KCNQ1: variants seen among roughly 807,000 people sequenced by gnomAD.
KCNQ1 encodes the protein potassium voltage-gated channel subfamily KQT member 1.
KCNQ1 carries 49 observed loss-of-function variants against 72.4 expected under a neutral mutation model. That is an observed-to-expected ratio of 0.68 (90% CI 0.54 to 0.86). The LOEUF (loss-of-function observed/expected upper bound fraction) is 0.86. Ranked by LOEUF, KCNQ1 falls within the 40% of genes least tolerant of loss-of-function variation. KCNQ1 has a pLI of 0.00. For missense variants in KCNQ1, 790 were observed against 945.1 expected (o/e 0.84, Z 2.15); for synonymous variants, 450 against 412.6 (o/e 1.09, Z -1.10).
chr11:2,584,025 T>C (rs1402704062), intron 7 of KCNQ1, among the ~76,000 whole-genome samples: 1 of 152,076 alleles, frequency 6.6e-6, no homozygotes, highest in Non-Finnish European at 1.5e-5. Flanking sequence ...GCATAATATG[T>C]GTTTGTGTTG....
At chr11:2,453,297 CG>C (rs1345254439) in intron 1 of KCNQ1, among the ~76,000 whole-genome samples, 1 of 152,026 alleles carries the variant, frequency 6.6e-6, no homozygotes. Context: ...CACTTGAACC[CG>C]GGAGGTGGAG....
At chr11:2,448,689 C>T (rs944174894) in intron 1 of KCNQ1, among the ~76,000 whole-genome samples, 6 of 152,220 alleles carry the variant, frequency 3.9e-5, no homozygotes, top group Non-Finnish European at 8.8e-5. Flanking sequence ...AAGATCTGTC[C>T]ACCCACTCCT....
At position 2,784,657 on chromosome 11, in the gene KCNQ1, A is replaced by G. The variant is rs969258892; in HGVS notation, c.1794+6620A>G. 1.3e-5 allele frequency among the ~76,000 whole-genome samples: 2 copies of G among 151,952 alleles called. No individual in the cohort carries two copies. Among genetic ancestry groups the G allele is most frequent in the African/African-American group, 4.8e-5 (2 of 41,452 alleles). ...TTAACAAAATTGAGTATTGTAATCA[A>G]TGAACATGGTATATCCCTCCATTTA... is the stretch of plus-strand genomic sequence containing the variant. On this transcript the variant is annotated intron_variant, in intron 15 of 15. Transcript: ENST00000155840. The surrounding 1 kb of genome is among the most constrained non-coding windows in gnomAD (Gnocchi z 4.7).
In KCNQ1 at chr11:2,725,882, G is replaced by A. The variant is rs1164914417; in HGVS notation, c.1515-42962G>A. Among the ~76,000 whole-genome samples the A allele has an allele frequency of 2.6e-5, 4 of 152,034 alleles. No individual in the cohort carries two copies. Among genetic ancestry groups the A allele is most frequent in the African/African-American group, 9.7e-5 (4 of 41,392 alleles). The stretch of plus-strand genomic sequence containing the variant: ...CAGGCCAAGCGTTTTCTGACTTGGA[G>A]AGGCAGGAGGCCAACTCCCCGCTCC... On this transcript the variant is annotated intron_variant, in intron 11 of 15. Coordinates refer to ENST00000155840, the MANE Select transcript of KCNQ1 (RefSeq NM_000218.3). The surrounding 1 kb of genome is among the most constrained non-coding windows in gnomAD (Gnocchi z 7.2).
At chr11:2,461,431 G>T in intron 1 of KCNQ1, 1 of 1,281,838 alleles carries the variant, frequency 7.8e-7, no homozygotes, top group South Asian at 1.2e-5. Flanking sequence ...GGGCGGGGGT[G>T]GCCCCTCTTC....
At chr11:2,749,989 C>A (rs1846201914) in intron 11 of KCNQ1, among the ~76,000 whole-genome samples, 1 of 151,172 alleles carries the variant, frequency 6.6e-6, no homozygotes, top group Non-Finnish European at 1.5e-5. Flanking sequence ...AGTACAGGGG[C>A]TCTACACGGC....
chr11:2,493,683 C>T lies in KCNQ1; in HGVS notation c.387-34245C>T, dbSNP rs1298114169. On this transcript the variant is annotated intron_variant, in intron 1 of 15. Coordinates refer to ENST00000155840, the MANE Select transcript of KCNQ1 (RefSeq NM_000218.3). This position sits in a 1 kb window ranked among gnomAD's most constrained non-coding sequence, Gnocchi z 5.3. ...AGGTGAGTGGTGTTATTTCTGAGGT[C>T]TCTGTTCTGTTCCATTGGTTTATAT... Among the ~76,000 whole-genome samples, 1 of 152,058 alleles carries T rather than the reference C, an allele frequency of 6.6e-6. No individual in the cohort carries two copies. Among genetic ancestry groups the T allele is most frequent in the Admixed American group, 6.5e-5 (1 of 15,274 alleles).
intron 11 of KCNQ1, chr11:2,696,928 C>CTCTGAAA (rs1158795465): frequency 5.0e-6 from 2 of 398,128 alleles, no homozygotes; most frequent in African/African-American, 2.1e-5. Flanking sequence ...TCCAAAACCT[C>CTCTGAAA]TCTGAAATCT....
chr11:2,627,828 G>A lies in KCNQ1; in HGVS notation c.1394-34133G>A, dbSNP rs181209905. 235 of 398,472 alleles carry A rather than the reference G, an allele frequency of 5.9e-4. 2 individuals carry two copies. The highest frequency in any genetic ancestry group is 4.4e-3 in the African/African-American group (212 of 48,720). The allele number at this position is 398,472 out of a possible 1,614,324, so 24.7% of individuals were successfully genotyped here. On this transcript the variant is annotated intron_variant, in intron 10 of 15. Transcript: ENST00000155840. This position sits in a 1 kb window ranked among gnomAD's most constrained non-coding sequence, Gnocchi z 4.9. ...TACAGTGGCACAATCACAGTTCACT[G>A]TAGCCTCAACCTCATGGGCTCAAGT...
At chr11:2,590,512 C>T (rs1207031370) in intron 10 of KCNQ1, among the ~76,000 whole-genome samples, 1 of 152,226 alleles carries the variant, frequency 6.6e-6, no homozygotes, top group Non-Finnish European at 1.5e-5. Flanking sequence ...GCCTTGCCCT[C>T]CCAGCATGGG....
At position 2,491,090 on chromosome 11, in the gene KCNQ1, C is replaced by CA. The variant is rs1257043892; in HGVS notation, c.387-36836dup. On this transcript the variant is annotated intron_variant, in intron 1 of 15. Transcript: ENST00000155840. The surrounding 1 kb of genome is among the most constrained non-coding windows in gnomAD (Gnocchi z 4.1). Reference sequence around the variant, plus strand: ...CCTAATGCAGATACGGCTTAGATCACAACACCCAAGTCCCTTTGAATACCT... The same window carrying CA: ...CCTAATGCAGATACGGCTTAGATCACAAACACCCAAGTCCCTTTGAATACCT... Among the ~76,000 whole-genome samples the CA allele has an allele frequency of 6.6e-6, 1 of 152,218 alleles. No individual in the cohort carries two copies. Among genetic ancestry groups the CA allele is most frequent in the African/African-American group, 2.4e-5 (1 of 41,460 alleles).
In KCNQ1 at chr11:2,695,540, C is replaced by T. The variant is rs1284817542; in HGVS notation, c.1514+33459C>T. 5.0e-6 allele frequency: 2 copies of T among 398,564 alleles called. No individual in the cohort carries two copies. The highest frequency in any genetic ancestry group is 4.4e-5 in the Admixed American group (1 of 22,712). 24.7% of individuals were successfully genotyped at this position (398,564 alleles called of 1,614,324 possible). A position where few individuals can be genotyped will look rare whatever the true frequency, so the allele number is the denominator to read the frequency against. On this transcript the variant is annotated intron_variant, in intron 11 of 15. Transcript: ENST00000155840. The surrounding 1 kb of genome is among the most constrained non-coding windows in gnomAD (Gnocchi z 5.2). ...CAGTGACCAGCTCCAACTGCCCACCCCTATGGGCCATGCTGCCCTGAGCAT... is the reference window on the plus strand; with the variant it reads ...CAGTGACCAGCTCCAACTGCCCACCTCTATGGGCCATGCTGCCCTGAGCAT...
intron 10 of KCNQ1, chr11:2,640,927 A>C: frequency 2.5e-6 from 1 of 399,250 alleles, no homozygotes; most frequent in Admixed American, 4.4e-5. Flanking sequence ...ACATAAGATA[A>C]TTATCTTTCT....
rs1554898453 is a variant in KCNQ1 at position 2,620,952 on chromosome 11, T to TTC, written c.1393+32099_1393+32100insCT. On this transcript the variant is annotated intron_variant, in intron 10 of 15. Coordinates refer to ENST00000155840, the MANE Select transcript of KCNQ1 (RefSeq NM_000218.3). The surrounding 1 kb of genome is among the most constrained non-coding windows in gnomAD (Gnocchi z 4.5). Reference sequence around the variant, plus strand: ...TTGTTGTTGTTGTTTTGTTTTGTTTTTTTTTGTCTGTTTTTTGCTTTTTTG... The same window carrying TTC: ...TTGTTGTTGTTGTTTTGTTTTGTTTTTCTTTTTGTCTGTTTTTTGCTTTTTTG... 2 of 397,750 alleles carry TTC rather than the reference T, an allele frequency of 5.0e-6. No homozygotes were observed. The highest frequency in any genetic ancestry group is 8.9e-6 in the Non-Finnish European group (2 of 225,906). 24.6% of individuals were successfully genotyped at this position (397,750 alleles called of 1,614,324 possible). A position where few individuals can be genotyped will look rare whatever the true frequency, so the allele number is the denominator to read the frequency against.
rs1005851209 is a variant in KCNQ1, at chr11:2,750,211, G to A, written c.1515-18633G>A. Among the ~76,000 whole-genome samples the A allele has an allele frequency of 1.4e-4, 21 of 152,312 alleles. No individual in the cohort carries two copies. The highest frequency in any genetic ancestry group is 2.4e-4 in the Non-Finnish European group (16 of 68,022). ...GGGGCTGGATCTCTGGGGAAGTTGA[G>A]GAATGACATGTATTCCAGGGAAGAA... On this transcript the variant is annotated intron_variant, in intron 11 of 15. Coordinates refer to ENST00000155840, the MANE Select transcript of KCNQ1 (RefSeq NM_000218.3). The surrounding 1 kb of genome is among the most constrained non-coding windows in gnomAD (Gnocchi z 6.3).
chr11:2,608,600 G>A lies in KCNQ1; in HGVS notation c.1393+19746G>A. 2.5e-6 allele frequency: 1 copy of A among 398,426 alleles called. No individual in the cohort carries two copies. Among genetic ancestry groups the A allele is most frequent in the East Asian group, 3.6e-5 (1 of 28,064 alleles). 24.7% of individuals were successfully genotyped at this position (398,426 alleles called of 1,614,324 possible). A position where few individuals can be genotyped will look rare whatever the true frequency, so the allele number is the denominator to read the frequency against. On this transcript the variant is annotated intron_variant, in intron 10 of 15. Transcript: ENST00000155840. This position sits in a 1 kb window ranked among gnomAD's most constrained non-coding sequence, Gnocchi z 4.6. ...AAGTGATCCTTGCCCCTTAGCCTAT[G>A]ACAGGTGTGCACCACAACACCAGCT...
chr11:2,802,333 C>G (rs1442572898), intron 15 of KCNQ1, among the ~76,000 whole-genome samples: 1 of 152,248 alleles, frequency 6.6e-6, no homozygotes, highest in Non-Finnish European at 1.5e-5. Flanking sequence ...AGCACTGGGG[C>G]CACCAGCACA....
Position 2,752,636 on chromosome 11 carries a change from C to A in KCNQ1, c.1515-16208C>A, listed in dbSNP as rs534583216. Among the ~76,000 whole-genome samples the A allele has an allele frequency of 6.6e-6, 1 of 152,102 alleles. No individual in the cohort carries two copies. Among genetic ancestry groups the A allele is most frequent in the South Asian group, 2.1e-4 (1 of 4,796 alleles). ...GGCAAAAATAAGGTGCAAACAAGCT[C>A]CCTCAGGCCTCCTTTCCAAGGGCAC... On this transcript the variant is annotated intron_variant, in intron 11 of 15. Transcript: ENST00000155840. This position sits in a 1 kb window ranked among gnomAD's most constrained non-coding sequence, Gnocchi z 5.2.
intron 11 of KCNQ1, among the ~76,000 whole-genome samples, chr11:2,722,623 G>A (rs1182743603): frequency 1.3e-5 from 2 of 152,192 alleles, no homozygotes; most frequent in Non-Finnish European, 2.9e-5. Context: ...GGGAGCTGAT[G>A]AGAGCGATGC....
Sources: allele counts gnomAD v4.1 joint callset (sites outside exome capture counted in the v4.1 genomes callset), GRCh38; gene constraint gnomAD v4.1.1; non-coding constraint Gnocchi (gnomAD v3.1); transcripts MANE v1.5; gene names NCBI Gene and HGNC (gene_info 2026-07-23, HGNC 2026-07-21).